Variants in CDH18 observed in about 807,000 individuals in gnomAD.
CDH18 encodes cadherin-18.
In CDH18, 31 loss-of-function variants were observed where a neutral mutation model predicts 67.9. The ratio of observed to expected loss-of-function variants is 0.46; its 90% CI spans 0.34 to 0.62. CDH18 has a LOEUF of 0.62. CDH18 is among the 20% of genes least tolerant of loss of function. The pLI is 0.01. For missense variants in CDH18, 890 were observed against 975.5 expected (o/e 0.91, Z 1.17); for synonymous variants, 362 against 347.2 (o/e 1.04, Z -0.48).
At chr5:20,021,541 T>A (rs914610283) in intron 2 of CDH18, among the ~76,000 whole-genome samples, 11 of 152,144 alleles carry the variant, frequency 7.2e-5, no homozygotes, top group Admixed American at 4.6e-4. Context: ...TGAGTTCCCA[T>A]GAGAACTGGT....
At chr5:20,287,878 T>C (rs1746804101) in intron 1 of CDH18, among the ~76,000 whole-genome samples, 1 of 151,796 alleles carries the variant, frequency 6.6e-6, no homozygotes, top group Non-Finnish European at 1.5e-5. Context: ...AATGGCTTCA[T>C]TGAAACTGAC....
chr5:19,568,864 A>G (rs1740886385), intron 8 of CDH18, among the ~76,000 whole-genome samples: 1 of 152,190 alleles, frequency 6.6e-6, no homozygotes, highest in Non-Finnish European at 1.5e-5. Flanking sequence ...CCAAGATGTA[A>G]TAACTAGATA....
intron 12 of CDH18, among the ~76,000 whole-genome samples, chr5:19,476,159 G>GA (rs1035374921): frequency 3.3e-5 from 5 of 151,724 alleles, no homozygotes; most frequent in Non-Finnish European, 2.9e-5. Context: ...AAAAAGACAG[G>GA]AAAAAAACAT....
Position 20,063,193 on chromosome 5 carries a change from G to T in CDH18, c.-517-71179C>A, listed in dbSNP as rs551440922. ...TTTTCACTAGGATATAATTGAATCA[G>T]CTTATAAATTTCATGGAGAAGTATT... On this transcript the variant is annotated intron_variant, in intron 2 of 14. Coordinates refer to the CDH18 transcript ENST00000507958. Among the ~76,000 whole-genome samples, 5 of 150,834 alleles carry T rather than the reference G, an allele frequency of 3.3e-5. No individual in the cohort carries two copies. The South Asian group carries it at 1.0e-3, about 31-fold the overall frequency.
intron 1 of CDH18, among the ~76,000 whole-genome samples, chr5:20,351,691 A>G (rs754496900): frequency 2.0e-5 from 3 of 152,122 alleles, no homozygotes; most frequent in Non-Finnish European, 2.9e-5. Flanking sequence ...ATGAATGTCC[A>G]TTGTGAAAAC....
intron 1 of CDH18, among the ~76,000 whole-genome samples, chr5:20,406,939 A>G (rs1746321359): frequency 6.6e-6 from 1 of 152,204 alleles, no homozygotes; most frequent in Admixed American, 6.6e-5. Flanking sequence ...GTGGTGCAGC[A>G]TTATATAATA....
intron 9 of CDH18, among the ~76,000 whole-genome samples, chr5:19,535,757 A>C (rs1249171209): frequency 6.6e-6 from 1 of 152,214 alleles, no homozygotes; most frequent in African/African-American, 2.4e-5. Flanking sequence ...TGTATACAAT[A>C]TGCAATTTTT....
intron 4 of CDH18, among the ~76,000 whole-genome samples, chr5:19,727,757 C>T (rs1296117129): frequency 1.3e-5 from 2 of 152,118 alleles, no homozygotes; most frequent in Non-Finnish European, 2.9e-5. Context: ...ATTATGTTTG[C>T]AACCAGATAC....
intron 1 of CDH18, among the ~76,000 whole-genome samples, chr5:20,374,629 G>T (rs1743265404): frequency 6.6e-6 from 1 of 152,114 alleles, no homozygotes; most frequent in South Asian, 2.1e-4. Context: ...TATAAACCAG[G>T]CTTTTCAGAA....
At chr5:19,829,732 CA>C (rs1561391837) in intron 3 of CDH18, among the ~76,000 whole-genome samples, 1 of 151,890 alleles carries the variant, frequency 6.6e-6, no homozygotes, top group South Asian at 2.1e-4. Context: ...CATATGAAAC[CA>C]AAAAAGAGCT....
In CDH18 at chr5:20,563,874, T is replaced by C. The variant is rs565950119; in HGVS notation, c.-580+11588A>G. Among the ~76,000 whole-genome samples, 56 of 152,242 alleles carry C rather than the reference T, an allele frequency of 3.7e-4. 1 individual carries two copies. In the South Asian group the frequency reaches 0.011, roughly 31 times the overall value. On this transcript the variant is annotated intron_variant, in intron 1 of 14. Transcript: ENST00000507958. ...CCAAAACAAAATGGCGCTCTGATCT[T>C]GAGGCTAACATTTGAAATTAAATAA...
intron 1 of CDH18, among the ~76,000 whole-genome samples, chr5:20,262,720 A>G (rs1744743139): frequency 6.6e-6 from 1 of 152,240 alleles, no homozygotes; most frequent in African/African-American, 2.4e-5. Context: ...TTAGCCATTC[A>G]GTAATGTCTA....
At chr5:20,536,419 A>G (rs1756725690) in intron 1 of CDH18, among the ~76,000 whole-genome samples, 1 of 152,174 alleles carries the variant, frequency 6.6e-6, no homozygotes, top group Non-Finnish European at 1.5e-5. Context: ...GAGAAAAAAT[A>G]AAAAGCCATT....
rs139494229 is a variant in CDH18, at chr5:20,450,309, T to G, written c.-580+125153A>C. Among the ~76,000 whole-genome samples the G allele has an allele frequency of 1.1e-4, 17 of 152,260 alleles. No individual in the cohort carries two copies. The East Asian group carries it at 3.1e-3, about 28-fold the overall frequency. On this transcript the variant is annotated intron_variant, in intron 1 of 14. Coordinates refer to the CDH18 transcript ENST00000507958. ...TTGCAGTGAGCTGAGATCATGCCAT[T>G]GCACTCCAGCCTGGGCAACAAAAGA...
At chr5:19,949,970 A>T (rs1359977078) in intron 2 of CDH18, among the ~76,000 whole-genome samples, 6 of 98,042 alleles carry the variant, frequency 6.1e-5, no homozygotes, top group Non-Finnish European at 1.3e-4. Flanking sequence ...TAAAGAAAAT[A>T]TGATATATAT....
At position 20,449,833 on chromosome 5, in the gene CDH18, AT is replaced by A. The variant is rs1388867898; in HGVS notation, c.-580+125628del. 1.5e-4 allele frequency among the ~76,000 whole-genome samples: 21 copies of A among 135,948 alleles called. No individual in the cohort carries two copies. The South Asian group carries it at 2.2e-3, about 14-fold the overall frequency. The allele number at this position is 135,948 out of a possible 152,430, so 89.2% of individuals were successfully genotyped here. A position where few individuals can be genotyped will look rare whatever the true frequency, so the allele number is the denominator to read the frequency against. On this transcript the variant is annotated intron_variant, in intron 1 of 14. Transcript: ENST00000507958. ...CATGTTTGTCTACAAAAAAGAAAAA[AT>A]ATATATATATAATTGAATTGCTAAT...
intron 5 of CDH18, among the ~76,000 whole-genome samples, chr5:19,695,708 TC>T (rs1365939030): frequency 2.0e-5 from 3 of 152,176 alleles, no homozygotes; most frequent in African/African-American, 7.2e-5. Flanking sequence ...TCCTATAACT[TC>T]AACTCTAAAG....
At chr5:20,112,556 G>A (rs1213961854) in intron 2 of CDH18, among the ~76,000 whole-genome samples, 1 of 151,912 alleles carries the variant, frequency 6.6e-6, no homozygotes, top group African/African-American at 2.4e-5. Context: ...AAATCTACTT[G>A]GGAGGCCGAG....
intron 5 of CDH18, among the ~76,000 whole-genome samples, chr5:19,629,400 A>G (rs1178374140): frequency 2.0e-5 from 3 of 152,166 alleles, no homozygotes; most frequent in Non-Finnish European, 4.4e-5. Flanking sequence ...CTGGTGAGTC[A>G]AGACAATAAT....
Sources: allele counts gnomAD v4.1 joint callset (sites outside exome capture counted in the v4.1 genomes callset), GRCh38; gene constraint gnomAD v4.1.1; transcripts MANE v1.5; gene names NCBI Gene and HGNC (gene_info 2026-07-23, HGNC 2026-07-21).